MAD1L1: variants seen among roughly 807,000 people sequenced by gnomAD.
MAD1L1 encodes the protein mitotic arrest deficient 1 like 1.
MAD1L1 carries 95 observed loss-of-function variants against 96.9 expected under a neutral mutation model. The ratio of observed to expected loss-of-function variants is 0.98; its 90% confidence interval spans 0.83 to 1.16. The LOEUF (loss-of-function observed/expected upper bound fraction) is 1.16, where lower values mean the gene tolerates loss of function less well. Among genes scored for constraint, MAD1L1 ranks in the 50% most tolerant of loss-of-function variants. MAD1L1 has a pLI of 0.00. For missense variants in MAD1L1, 1,007 were observed against 954.4 expected (o/e 1.06, Z -0.73); for synonymous variants, 473 against 396.6 (o/e 1.19, Z -2.29).
Position 2,142,778 on chromosome 7 carries a change from A to G in MAD1L1, c.1073+6374T>C, listed in dbSNP as rs3779001. Among the ~76,000 whole-genome samples the G allele has an allele frequency of 2.6e-3, 401 of 152,370 alleles. 2 individuals are homozygous for G. Among genetic ancestry groups the G allele is most frequent in the East Asian group, 0.024 (123 of 5,188 alleles). On this transcript the variant is annotated intron_variant, in intron 11 of 18. Transcript: ENST00000265854. This position sits in a 1 kb window ranked among gnomAD's most constrained non-coding sequence, Gnocchi z 4.7. ...CCAGGGGCCCCCTTATGCCGAGAGC[A>G]GGTGGTCAGGTTGAGCATGAGACTT... is the stretch of plus-strand genomic sequence containing the variant.
intron 11 of MAD1L1, among the ~76,000 whole-genome samples, chr7:2,107,254 TC>T (rs2128554180): frequency 6.6e-6 from 1 of 152,110 alleles, no homozygotes; most frequent in East Asian, 1.9e-4. Context: ...TGCCGGAGCA[TC>T]CGGTGGCAGG....
intron 10 of MAD1L1, among the ~76,000 whole-genome samples, chr7:2,190,482 T>TA (rs1791666454): frequency 6.6e-6 from 1 of 152,048 alleles, no homozygotes; most frequent in Non-Finnish European, 1.5e-5. Flanking sequence ...TTAGCAAAAT[T>TA]AAAAGTTTTT....
intron 12 of MAD1L1, among the ~76,000 whole-genome samples, chr7:2,034,959 A>G (rs923351203): frequency 7.5e-4 from 115 of 152,372 alleles, no homozygotes; most frequent in African/African-American, 2.6e-3. Context: ...ACTCACACCC[A>G]TGTACTCCGC....
At chr7:2,169,326 G>A (rs1790593968) in intron 10 of MAD1L1, among the ~76,000 whole-genome samples, 1 of 152,178 alleles carries the variant, frequency 6.6e-6, no homozygotes, top group South Asian at 2.1e-4. Flanking sequence ...TTCTTTTTAT[G>A]TATCTGTATT....
chr7:2,146,285 C>T lies in MAD1L1; in HGVS notation c.1073+2867G>A, dbSNP rs1789295128. ...CTGGGCTACGAGGAACAGGGTACCA[C>T]CTCGATGAGGGAGCACCGGGCACTG... On this transcript the variant is annotated intron_variant, in intron 11 of 18. Transcript: ENST00000265854. The surrounding 1 kb of genome is among the most constrained non-coding windows in gnomAD (Gnocchi z 6.2). Among the ~76,000 whole-genome samples the T allele has an allele frequency of 6.7e-6, 1 of 149,144 alleles. No homozygotes were observed. The highest frequency in any genetic ancestry group is 2.1e-4 in the South Asian group (1 of 4,746).
chr7:2,008,056 T>C (rs946282951), intron 13 of MAD1L1, among the ~76,000 whole-genome samples: 4 of 152,090 alleles, frequency 2.6e-5, no homozygotes, highest in African/African-American at 9.7e-5. Context: ...GAGCCAGGGG[T>C]GGCAGGAAAC....
intron 10 of MAD1L1, among the ~76,000 whole-genome samples, chr7:2,187,655 C>A (rs1584506542): frequency 6.6e-6 from 1 of 152,152 alleles, no homozygotes; most frequent in African/African-American, 2.4e-5. Context: ...TAAATCTTAA[C>A]CCCTTGATAA....
At chr7:2,134,581 G>C (rs957709102) in intron 11 of MAD1L1, among the ~76,000 whole-genome samples, 1 of 152,154 alleles carries the variant, frequency 6.6e-6, no homozygotes, top group African/African-American at 2.4e-5. Context: ...TTTCTTACTT[G>C]GTTTTAAGAC....
At chr7:1,879,824 G>A (rs1304039055) in intron 18 of MAD1L1, among the ~76,000 whole-genome samples, 1 of 152,194 alleles carries the variant, frequency 6.6e-6, no homozygotes, top group Admixed American at 6.5e-5. Flanking sequence ...TCCTCCTCCC[G>A]GGTTCACGCC....
intron 10 of MAD1L1, among the ~76,000 whole-genome samples, chr7:2,191,222 C>T (rs1470347393): frequency 5.3e-5 from 8 of 152,142 alleles, no homozygotes; most frequent in South Asian, 4.1e-4. Context: ...AACAAAACCA[C>T]GGTGACAGCC....
intron 18 of MAD1L1, among the ~76,000 whole-genome samples, chr7:1,826,307 C>T (rs1782391325): frequency 6.6e-6 from 1 of 152,134 alleles, no homozygotes; most frequent in South Asian, 2.1e-4. Context: ...AGGGAGAGAG[C>T]AAGCTTCTCG....
chr7:2,067,053 GC>G (rs1283016214), intron 12 of MAD1L1, among the ~76,000 whole-genome samples: 1 of 152,234 alleles, frequency 6.6e-6, no homozygotes, highest in African/African-American at 2.4e-5. Context: ...CCAAAGTGCT[GC>G]CCGCCTGGCC....
intron 18 of MAD1L1, chr7:1,849,937 T>G (rs1474589272): frequency 1.3e-5 from 2 of 152,188 alleles, no homozygotes; most frequent in Non-Finnish European, 2.9e-5. Flanking sequence ...GCGGCAGCAG[T>G]TGCCTCCAAG....
chr7:1,918,495 G>A (rs1336781799), intron 17 of MAD1L1, among the ~76,000 whole-genome samples: 2 of 152,190 alleles, frequency 1.3e-5, no homozygotes, highest in Non-Finnish European at 2.9e-5. Context: ...CCCAGGCCGG[G>A]TCCACGGCAT....
chr7:2,017,008 A>C (rs1032968151), intron 12 of MAD1L1, among the ~76,000 whole-genome samples: 1 of 152,274 alleles, frequency 6.6e-6, no homozygotes, highest in Non-Finnish European at 1.5e-5. Flanking sequence ...TTTATTGATC[A>C]GTAAATCTCT....
At chr7:1,860,750 G>A (rs758414440) in intron 18 of MAD1L1, among the ~76,000 whole-genome samples, 3 of 152,142 alleles carry the variant, frequency 2.0e-5, no homozygotes, top group South Asian at 2.1e-4. Context: ...CCTGACCTCC[G>A]CTCACATCTC....
At chr7:2,129,838 A>G (rs149232655) in intron 11 of MAD1L1, among the ~76,000 whole-genome samples, 35 of 152,288 alleles carry the variant, frequency 2.3e-4, no homozygotes, top group Non-Finnish European at 4.7e-4. Context: ...TGCACAACAC[A>G]GCCACCACCG....
At chr7:1,978,393 A>C (rs1279556544) in intron 15 of MAD1L1, among the ~76,000 whole-genome samples, 2 of 152,194 alleles carry the variant, frequency 1.3e-5, no homozygotes, top group Non-Finnish European at 2.9e-5. Context: ...GCAAAGGAAA[A>C]GCCAACTCCG....
chr7:2,170,215 G>GAAGGCAGCCCTGCCTCCTGGCCATTAAC (rs1790646849), intron 10 of MAD1L1, among the ~76,000 whole-genome samples: 4 of 152,180 alleles, frequency 2.6e-5, no homozygotes, highest in Non-Finnish European at 4.4e-5. Context: ...CCTGAGGAAA[G>GAAGGCAGCCCTGCCTCCTGGCCATTAAC]AAGGCAGCCC....
Sources: gnomAD v4.1 joint callset for allele counts (sites outside exome capture counted in the v4.1 genomes callset) on GRCh38, gnomAD v4.1.1 for gene constraint, Gnocchi (gnomAD v3.1) non-coding constraint, MANE v1.5 for transcripts, NCBI Gene and HGNC (gene_info 2026-07-23, HGNC 2026-07-21) for gene names.